The following DDI2 variants were observed in gnomAD, a reference collection of about 807,000 sequenced individuals.
The protein encoded by DDI2 is DDI proteasomal shuttling factor 2, also known as protein DDI1 homolog 2.
In DDI2, 5 loss-of-function variants were observed where a neutral mutation model predicts 48.1. The observed-to-expected ratio is 0.10, with a 90% confidence interval of 0.05 to 0.22. The LOEUF (loss-of-function observed/expected upper bound fraction) is 0.22. DDI2 is among the 10% of genes least tolerant of loss of function. The pLI, the probability that DDI2 is intolerant of heterozygous loss-of-function variation, is 1.00. For synonymous variants in DDI2, 205 were observed against 183.6 expected, an observed-to-expected ratio of 1.12 and a Z score of -0.94; for missense variants, 285 against 506.2, an observed-to-expected ratio of 0.56 and a Z score of 4.19.
rs144884559 is a variant in DDI2, at chr1:15,644,560, G to C, written c.889+910G>C. On this transcript the variant is annotated intron_variant, in intron 6 of 9. Transcript: ENST00000480945. ...CCGATTCTTGATCCTTTATGTGAAA[G>C]TTTTCTTTTTCTTTTCAGTTTTTTT... Among the ~76,000 whole-genome samples the C allele has an allele frequency of 1.0e-3, 131 of 126,462 alleles. 2 individuals carry two copies. In the East Asian group the frequency reaches 0.027, roughly 26 times the overall value. 83.0% of individuals were successfully genotyped at this position (126,462 alleles called of 152,430 possible).
intron 4 of DDI2, chr1:15,634,050 G>T: frequency 3.7e-6 from 1 of 269,832 alleles, no homozygotes; most frequent in Admixed American, 4.9e-5. Flanking sequence ...TGCATTTCTT[G>T]TACTGGCCTC....
chr1:15,646,979 T>C (rs1037630542), intron 6 of DDI2, among the ~76,000 whole-genome samples: 6 of 152,110 alleles, frequency 3.9e-5, no homozygotes, highest in African/African-American at 9.7e-5. Context: ...TTTTATCTTA[T>C]AAAAGGTGAT....
chr1:15,646,313 C>T (rs1640089928), intron 6 of DDI2, among the ~76,000 whole-genome samples: 1 of 152,236 alleles, frequency 6.6e-6, no homozygotes. Context: ...GGTTACTGCT[C>T]AGTTTTCCTC....
In DDI2 at chr1:15,633,857, G is replaced by A. The variant is rs118107008; in HGVS notation, c.632+292G>A. 5.8e-5 allele frequency: 27 copies of A among 465,756 alleles called. No homozygotes were observed. In the East Asian group the frequency reaches 1.6e-3, roughly 28 times the overall value. The allele number at this position is 465,756 out of a possible 1,614,324, so 28.9% of individuals were successfully genotyped here. A position where few individuals can be genotyped will look rare whatever the true frequency, so the allele number is the denominator to read the frequency against. On this transcript the variant is annotated intron_variant, in intron 4 of 9. Coordinates refer to ENST00000480945, the MANE Select transcript of DDI2 (RefSeq NM_032341.5). Reference sequence around the variant, plus strand: ...CACAGCTTTAGATAAATGACCCCCGGACTGAGCAGAAGCCACCATCTGGTG... The same window carrying A: ...CACAGCTTTAGATAAATGACCCCCGAACTGAGCAGAAGCCACCATCTGGTG...
intron 1 of DDI2, among the ~76,000 whole-genome samples, chr1:15,622,380 A>T (rs560263131): frequency 6.6e-6 from 1 of 152,218 alleles, no homozygotes; most frequent in South Asian, 2.1e-4. Context: ...TGTTAATAGA[A>T]GGCTCTCATT....
chr1:15,630,372 A>C lies in DDI2; in HGVS notation c.316A>C (p.Ser106Arg), dbSNP rs371977898. Residue 106 changes from serine to arginine, a missense_variant, in exon 3 of 10, where the codon AGT (serine) becomes CGT (arginine). By Grantham distance (110) the Ser-to-Arg change is moderately radical. Coordinates refer to ENST00000480945, the MANE Select transcript of DDI2 (RefSeq NM_032341.5). The part of the protein sequence containing the change: ...FSSIAVPGTS[S>R]PRQRQPPGTQ... Reference sequence around the variant, plus strand: ...TAGTATAGCTGTGCCTGGCACATCAAGTCCCCGGCAGCGCCAGCCACCAGG... The same window carrying C: ...TAGTATAGCTGTGCCTGGCACATCACGTCCCCGGCAGCGCCAGCCACCAGG... The C allele has an allele frequency of 6.2e-7, 1 of 1,614,134 alleles. No homozygotes were observed. Among genetic ancestry groups the C allele is most frequent in the Non-Finnish European group, 8.5e-7 (1 of 1,180,064 alleles).
rs1189354735 is a variant in DDI2, at chr1:15,662,752, A to C, written c.*2962A>C. The stretch of plus-strand genomic sequence containing the variant: ...AAATACTAAGTGTGATAACCTTGTC[A>C]CTGGTTAATCTTGGTGCTTGGAACG... On this transcript the variant is annotated 3_prime_UTR_variant, in exon 10 of 10. Transcript: ENST00000480945. 6.6e-6 allele frequency: 1 copy of C among 152,230 alleles called. No individual in the cohort carries two copies. Among genetic ancestry groups the C allele is most frequent in the Non-Finnish European group, 1.5e-5 (1 of 68,042 alleles). 9.4% of individuals were successfully genotyped at this position (152,230 alleles called of 1,614,324 possible). A position where few individuals can be genotyped will look rare whatever the true frequency, so the allele number is the denominator to read the frequency against.
In DDI2 at chr1:15,633,485, G is replaced by T; in HGVS notation, c.552G>T (p.Arg184=). The T allele has an allele frequency of 6.2e-7, 1 of 1,613,794 alleles. No individual in the cohort carries two copies. Among genetic ancestry groups the T allele is most frequent in the East Asian group, 2.2e-5 (1 of 44,862 alleles). ...TGGAGCAGCAGCAGGACCGAGCCCG[G>T]AGAGAGCAAGAAAGGATTCGTCTGT... ...VLVEQQQDRA[R]REQERIRLFS... is the part of the protein sequence containing the mutation. The change falls in exon 4 of 10, where the codon CGG becomes CGT. Residue 184 remains arginine (R), a synonymous_variant. Coordinates refer to ENST00000480945, the MANE Select transcript of DDI2 (RefSeq NM_032341.5).
chr1:15,654,121 T>G (rs562585657), intron 8 of DDI2, among the ~76,000 whole-genome samples: 1 of 152,316 alleles, frequency 6.6e-6, no homozygotes, highest in South Asian at 2.1e-4. Flanking sequence ...TATCACACAT[T>G]GCTTTTTCTA....
At chr1:15,622,977 A>G (rs1030948810) in intron 1 of DDI2, among the ~76,000 whole-genome samples, 2 of 152,206 alleles carry the variant, frequency 1.3e-5, no homozygotes, top group Non-Finnish European at 2.9e-5. Flanking sequence ...CGCTGAAGCA[A>G]CATTTCATAT....
chr1:15,653,359 T>G (rs962902076), intron 8 of DDI2, among the ~76,000 whole-genome samples: 5 of 152,004 alleles, frequency 3.3e-5, no homozygotes, highest in African/African-American at 1.2e-4. Context: ...CACTGCAGCC[T>G]CAGTCTCAGT....
At position 15,665,115 on chromosome 1, in the gene DDI2, A is replaced by G. The variant is rs924183915; in HGVS notation, c.*5325A>G. On this transcript the variant is annotated 3_prime_UTR_variant, in exon 10 of 10. Transcript: ENST00000480945. The stretch of plus-strand genomic sequence containing the variant: ...CATCTCTACTAAAAATACAAAAATT[A>G]GCCGGGTGTGGTGGCCCATGCCTGT... 7 of 152,338 alleles carry G rather than the reference A, an allele frequency of 4.6e-5. No individual in the cohort carries two copies. The highest frequency in any genetic ancestry group is 1.7e-4 in the African/African-American group (7 of 41,418). The allele number at this position is 152,338 out of a possible 1,614,324, so 9.4% of individuals were successfully genotyped here.
chr1:15,652,722 C>T (rs1390455969), intron 8 of DDI2, among the ~76,000 whole-genome samples: 1 of 151,984 alleles, frequency 6.6e-6, no homozygotes, highest in Non-Finnish European at 1.5e-5. Flanking sequence ...ACTCAGGAGG[C>T]TGAGGCAGGA....
chr1:15,626,386 C>T (rs927460662), intron 1 of DDI2, among the ~76,000 whole-genome samples: 2 of 152,300 alleles, frequency 1.3e-5, no homozygotes, highest in East Asian at 3.9e-4. Context: ...GAACATTCCT[C>T]AGGTAGAGAA....
intron 5 of DDI2, 62 bp from the exon 6 acceptor site, chr1:15,643,460 T>C (rs994994022): frequency 6.3e-7 from 1 of 1,593,912 alleles, no homozygotes; most frequent in Non-Finnish European, 8.6e-7. Flanking sequence ...TAGTGCTATA[T>C]TTTGAGTCTT....
Position 15,649,751 on chromosome 1 carries a change from A to G in DDI2, c.921A>G (p.Pro307=). The G allele has an allele frequency of 6.2e-7, 1 of 1,613,420 alleles. No homozygotes were observed. The highest frequency in any genetic ancestry group is 8.5e-7 in the Non-Finnish European group (1 of 1,179,692). Residue 307 remains proline, a synonymous_variant, in exon 7 of 10, where the codon CCA becomes CCG. Coordinates refer to ENST00000480945, the MANE Select transcript of DDI2 (RefSeq NM_032341.5). ...TTCAGATTGAAGGAGATTTTTTGCC[A>G]TGTTCCTTCTCTATACTTGAGGAAC... ...AQVQIEGDFL[P]CSFSILEEQP... is the part of the protein sequence containing the mutation.
At chr1:15,643,447 A>G (rs775787999) in intron 5 of DDI2, 75 bp from the exon 6 acceptor site, 15 of 1,567,678 alleles carry the variant, frequency 9.6e-6, no homozygotes, top group Admixed American at 1.9e-5. Context: ...CTTTGTTATT[A>G]TTTAGTGCTA....
At chr1:15,658,918 C>A (rs1278931996) in intron 9 of DDI2, among the ~76,000 whole-genome samples, 1 of 152,100 alleles carries the variant, frequency 6.6e-6, no homozygotes, top group Non-Finnish European at 1.5e-5. Flanking sequence ...ATAGTCATTG[C>A]CAGTTGAAAA....
At chr1:15,633,886 C>A (rs1244518421) in intron 4 of DDI2, 1 of 449,302 alleles carries the variant, frequency 2.2e-6, no homozygotes, top group Admixed American at 2.5e-5. Context: ...TCTGGTGAGA[C>A]CACAAGGCTG....
Sources: allele counts gnomAD v4.1 joint callset (sites outside exome capture counted in the v4.1 genomes callset), GRCh38; gene constraint gnomAD v4.1.1; transcripts MANE v1.5; gene names NCBI Gene and HGNC (gene_info 2026-07-23, HGNC 2026-07-21).